Variants in NLRP14 observed in about 807,000 individuals in gnomAD.
The protein encoded by NLRP14 is NLR family pyrin domain containing 14.
NLRP14 carries 105 observed loss-of-function variants against 94.7 expected under a neutral mutation model. That is an observed-to-expected ratio of 1.11 (90% CI 0.95 to 1.30). The LOEUF (loss-of-function observed/expected upper bound fraction) is 1.30, where lower values mean the gene tolerates loss of function less well. NLRP14 is among the 50% of genes most tolerant of loss of function. The pLI is 0.00. For missense variants in NLRP14, 1,362 were observed against 1,254.1 expected, an observed-to-expected ratio of 1.09 and a Z score of -1.30; for synonymous variants, 508 against 459.9, an observed-to-expected ratio of 1.10 and a Z score of -1.34.
chr11:7,077,016 G>C, the NLRP14 span, among the ~76,000 whole-genome samples: 1 of 152,228 alleles, frequency 6.6e-6, no homozygotes, highest in African/African-American at 2.4e-5. Flanking sequence ...GCAGACTCCA[G>C]CAGAAGTCAC....
intron 3 of NLRP14, among the ~76,000 whole-genome samples, chr11:7,041,004 C>T (rs1038635676): frequency 6.6e-6 from 1 of 151,942 alleles, no homozygotes; most frequent in African/African-American, 2.4e-5. Context: ...TAAAAGTAAA[C>T]TATTTATTAT....
chr11:7,090,423 C>T, the NLRP14 span: 3 of 1,236,620 alleles, frequency 2.4e-6, no homozygotes, highest in Non-Finnish European at 3.5e-6. Flanking sequence ...TAAGAATTTC[C>T]TGTTAAGATC....
chr11:7,076,640 T>G, the NLRP14 span, among the ~76,000 whole-genome samples: 1 of 152,110 alleles, frequency 6.6e-6, no homozygotes, highest in African/African-American at 2.4e-5. Flanking sequence ...CTCTATCTTA[T>G]ATATCATCAT....
intron 6 of NLRP14, among the ~76,000 whole-genome samples, chr11:7,051,950 T>C (rs996010861): frequency 6.6e-6 from 1 of 152,230 alleles, no homozygotes; most frequent in African/African-American, 2.4e-5. Flanking sequence ...GAGAATGCTT[T>C]ACTATAATAT....
chr11:7,080,110 C>T, the NLRP14 span, among the ~76,000 whole-genome samples: 1 of 152,136 alleles, frequency 6.6e-6, no homozygotes, highest in Non-Finnish European at 1.5e-5. Context: ...GCAAGCTAAA[C>T]CTTTGAAGAA....
chr11:7,069,982 T>G lies in NLRP14; in HGVS notation c.2976-304T>G, dbSNP rs148850804. ...AGCTTCCAATATCTAGTTATAGTGA[T>G]GTATTTTTAGTGATGTTCAAGGATT... On this transcript the variant is annotated intron_variant, in intron 10 of 11. Coordinates refer to ENST00000299481, the MANE Select transcript of NLRP14 (RefSeq NM_176822.4). 8.0e-3 allele frequency among the ~76,000 whole-genome samples: 1,217 copies of G among 152,312 alleles called. 28 individuals are homozygous for G. Among genetic ancestry groups the G allele is most frequent in the Admixed American group, 0.049 (752 of 15,290 alleles).
intron 3 of NLRP14, among the ~76,000 whole-genome samples, chr11:7,040,912 A>G (rs1273139103): frequency 6.6e-6 from 1 of 152,164 alleles, no homozygotes; most frequent in Non-Finnish European, 1.5e-5. Context: ...TTTCAAACCT[A>G]ATGGCTATTT....
chr11:7,034,737 G>A (rs1049980072), intron 1 of NLRP14, among the ~76,000 whole-genome samples: 1 of 152,148 alleles, frequency 6.6e-6, no homozygotes, highest in Non-Finnish European at 1.5e-5. Context: ...TCTTTCCTAA[G>A]TTGTGATGAA....
rs755837180 is a variant in NLRP14 at position 7,042,709 on chromosome 11, G to A, written c.683G>A (p.Ser228Asn). 21 of 1,614,068 alleles carry A rather than the reference G, an allele frequency of 1.3e-5. No homozygotes were observed. Among genetic ancestry groups the A allele is most frequent in the Non-Finnish European group, 1.8e-5 (21 of 1,180,026 alleles). Residue 228 changes from serine (S) to asparagine (N), a missense_variant, in exon 4 of 12, where the codon AGC becomes AAC. Physicochemically the swap from Ser to Asn is conservative, Grantham distance 46. Transcript: ENST00000299481. ...GREINQLKER[S>N]FAQLISKDWP... ...GAAATTAACCAGCTGAAAGAGAGAA[G>A]CTTTGCTCAATTGATATCAAAGGAC...
downstream of NLRP14, among the ~76,000 whole-genome samples, chr11:7,072,917 C>G (rs1486606397): frequency 6.6e-6 from 1 of 152,080 alleles, no homozygotes; most frequent in Non-Finnish European, 1.5e-5. Flanking sequence ...CCAGACTTCT[C>G]TGGGGGCCCT....
Position 7,046,793 on chromosome 11 carries a change from A to G in NLRP14, c.2084A>G (p.His695Arg), listed in dbSNP as rs1852358795. The change falls in exon 5 of 12, where the codon CAT (histidine) becomes CGT (arginine). Residue 695 changes from histidine (H) to arginine (R), a missense_variant. Physicochemically the swap from His to Arg is conservative, Grantham distance 29 (BLOSUM62 0). Coordinates refer to ENST00000299481, the MANE Select transcript of NLRP14 (RefSeq NM_176822.4). ...AAATCAGCAATGAATATCCTGCATC[A>G]TGAACTAAGGCACCCAAACTGTAAA... ...LDKSAMNILH[H>R]ELRHPNCKLQ... 6 of 1,613,818 alleles carry G rather than the reference A, an allele frequency of 3.7e-6. No homozygotes were observed. The South Asian group carries it at 5.5e-5, about 15-fold the overall frequency.
At chr11:7,087,435 G>A in the NLRP14 span, among the ~76,000 whole-genome samples, 3 of 152,188 alleles carry the variant, frequency 2.0e-5, no homozygotes, top group Non-Finnish European at 4.4e-5. Flanking sequence ...TTTTCCTGCT[G>A]CAAACCTCAG....
At chr11:7,087,976 A>G in the NLRP14 span, among the ~76,000 whole-genome samples, 1 of 152,242 alleles carries the variant, frequency 6.6e-6, no homozygotes. Context: ...CTTAAATTAC[A>G]TGAAGCAAAA....
chr11:7,057,814 TAAGACATCCA>T lies in NLRP14; in HGVS notation c.2433_2442del (p.Arg811SerfsTer4). ...GGAGTGCAGCTTTTGTGTGAGGCCT[TAAGACATCCA>T]AAGTGTTATCTAGAGAGACTGTCGT... is the stretch of plus-strand genomic sequence containing the variant. On this transcript the variant is annotated frameshift_variant, in exon 7 of 12. Transcript: ENST00000299481. LOFTEE classifies it high-confidence loss of function. 1 of 1,612,458 alleles carries T rather than the reference TAAGACATCCA, an allele frequency of 6.2e-7. No individual in the cohort carries two copies. The highest frequency in any genetic ancestry group is 8.5e-7 in the Non-Finnish European group (1 of 1,178,614).
downstream of NLRP14, among the ~76,000 whole-genome samples, chr11:7,074,001 T>C (rs1852838699): frequency 6.6e-6 from 1 of 152,178 alleles, no homozygotes; most frequent in African/African-American, 2.4e-5. Flanking sequence ...TTTAATCACA[T>C]GGTTGGTTCT....
chr11:7,060,153 A>G (rs1035562543), intron 9 of NLRP14, 89 bp downstream of exon 9: 19 of 1,174,502 alleles, frequency 1.6e-5, no homozygotes, highest in Admixed American at 6.8e-5. Context: ...CCGAGCATCT[A>G]TCAGAGAAAA....
chr11:7,089,024 C>T, the NLRP14 span: 3 of 1,421,062 alleles, frequency 2.1e-6, no homozygotes, highest in Non-Finnish European at 2.9e-6. Flanking sequence ...CGCCGCCTGA[C>T]CAGTAGGAGC....
chr11:7,035,186 T>C (rs1852144384), intron 1 of NLRP14, among the ~76,000 whole-genome samples: 1 of 152,060 alleles, frequency 6.6e-6, no homozygotes, highest in Admixed American at 6.5e-5. Flanking sequence ...CCAGGCATAG[T>C]GGCAGGCACC....
chr11:7,049,768 A>G lies in NLRP14; in HGVS notation c.2221A>G (p.Ile741Val), dbSNP rs146577715. ...LMHLDLKGSD[I>V]GDNGVKSLCE... ...GCATCTTGACCTAAAAGGGAGTGAT[A>G]TAGGGGATAATGGAGTAAAGTCATT... Residue 741 changes from isoleucine (I) to valine (V), a missense_variant, in exon 6 of 12, where the codon ATA (isoleucine) becomes GTA (valine). Transcript: ENST00000299481. 1.2e-6 allele frequency: 2 copies of G among 1,609,850 alleles called. No individual in the cohort carries two copies. The highest frequency in any genetic ancestry group is 1.7e-5 in the Admixed American group (1 of 60,000).
Sources: allele counts gnomAD v4.1 joint callset (sites outside exome capture counted in the v4.1 genomes callset), GRCh38; gene constraint gnomAD v4.1.1; transcripts MANE v1.5; gene names NCBI Gene and HGNC (gene_info 2026-07-23, HGNC 2026-07-21).